Variants in RRAS2 observed in about 807,000 individuals in gnomAD.
RRAS2 encodes RAS related 2, also known as ras-related protein R-Ras2.
In RRAS2, 7 loss-of-function variants were observed where a neutral mutation model predicts 27.6. The ratio of observed to expected loss-of-function variants is 0.25; its 90% confidence interval spans 0.14 to 0.48. The LOEUF is 0.48. Ranked by LOEUF, RRAS2 falls within the 20% of genes least tolerant of loss-of-function variation. The pLI is 0.99. For missense variants in RRAS2, 178 were observed against 256.2 expected, an observed-to-expected ratio of 0.69 and a Z score of 2.08; for synonymous variants, 86 against 90.9, an observed-to-expected ratio of 0.95 and a Z score of 0.31.
chr11:14,305,836 G>A (rs1847816413), intron 1 of RRAS2, among the ~76,000 whole-genome samples: 1 of 152,054 alleles, frequency 6.6e-6, no homozygotes, highest in African/African-American at 2.4e-5. Context: ...CTTGAGCCCA[G>A]GAATTCGAGA....
intron 1 of RRAS2, among the ~76,000 whole-genome samples, chr11:14,326,425 C>G (rs1349405539): frequency 6.6e-6 from 1 of 152,164 alleles, no homozygotes; most frequent in Non-Finnish European, 1.5e-5. Flanking sequence ...ACATATCAAA[C>G]TCAACTACAC....
intron 1 of RRAS2, among the ~76,000 whole-genome samples, chr11:14,348,066 A>C (rs772042465): frequency 9.2e-5 from 14 of 152,210 alleles, no homozygotes; most frequent in Non-Finnish European, 1.9e-4. Context: ...CTACAAAATT[A>C]AGAAGATATA....
intron 1 of RRAS2, among the ~76,000 whole-genome samples, chr11:14,336,732 A>G (rs1219819808): frequency 1.3e-5 from 2 of 152,228 alleles, no homozygotes; most frequent in Admixed American, 1.3e-4. Flanking sequence ...CAGAGCCTCA[A>G]TAGCCTTTGG....
rs1391326999 is a variant in RRAS2 at position 14,302,064 on chromosome 11, C to CCACACACACACACA, written c.109-6210_109-6209insTGTGTGTGTGTGTG. On this transcript the variant is annotated intron_variant, in intron 1 of 5. Coordinates refer to ENST00000256196, the MANE Select transcript of RRAS2 (RefSeq NM_012250.6). ...GCCTATAAAACAAGGAGTAAATGTA[C>CCACACACACACACA]CACACACATACACACACACACACAC... is the stretch of plus-strand genomic sequence containing the variant. Among the ~76,000 whole-genome samples the CCACACACACACACA allele has an allele frequency of 5.8e-3, 302 of 51,682 alleles. 1 individual carries two copies. The highest frequency in any genetic ancestry group is 0.013 in the Admixed American group (54 of 4,188). The allele number at this position is 51,682 out of a possible 152,430, so 33.9% of individuals were successfully genotyped here. A position where few individuals can be genotyped will look rare whatever the true frequency, so the allele number is the denominator to read the frequency against.
intron 1 of RRAS2, among the ~76,000 whole-genome samples, chr11:14,312,295 G>A (rs1161111647): frequency 2.0e-5 from 3 of 152,330 alleles, no homozygotes; most frequent in East Asian, 3.9e-4. Flanking sequence ...ATGCCACATA[G>A]ATTTCAAGAG....
upstream of RRAS2, among the ~76,000 whole-genome samples, chr11:14,362,502 G>A (rs144909086): frequency 2.0e-3 from 305 of 152,234 alleles, no homozygotes; most frequent in African/African-American, 6.8e-3. Flanking sequence ...ACAAATCACT[G>A]AAGACACAGG....
In RRAS2 at chr11:14,294,598, AAAAC is replaced by A. The variant is rs782626977; in HGVS notation, c.300-23_300-20del. The stretch of plus-strand genomic sequence containing the variant: ...TTCAAAACTTAAAAAAAAAAAATCA[AAAAC>A]AAATTAATCAATTTGGTCAAGTATC... On this transcript the variant is annotated intron_variant, in intron 3 of 5. Transcript: ENST00000256196. 6.5e-7 allele frequency: 1 copy of A among 1,547,788 alleles called. No individual in the cohort carries two copies. Among genetic ancestry groups the A allele is most frequent in the South Asian group, 1.2e-5 (1 of 83,940 alleles).
At chr11:14,296,083 T>C (rs1359001543) in intron 1 of RRAS2, among the ~76,000 whole-genome samples, 1 of 151,898 alleles carries the variant, frequency 6.6e-6, no homozygotes, top group Non-Finnish European at 1.5e-5. Flanking sequence ...GGGAGGCTGA[T>C]GTGGGAGGAT....
At chr11:14,328,166 G>A (rs1367415486) in intron 1 of RRAS2, among the ~76,000 whole-genome samples, 6 of 151,978 alleles carry the variant, frequency 3.9e-5, no homozygotes, top group Admixed American at 1.3e-4. Flanking sequence ...TCAGGAGTTC[G>A]AGACCAGCCT....
intron 1 of RRAS2, among the ~76,000 whole-genome samples, chr11:14,317,783 G>T (rs1002332768): frequency 5.3e-5 from 8 of 152,112 alleles, no homozygotes; most frequent in Admixed American, 2.0e-4. Flanking sequence ...GTACAAAGGG[G>T]AGCTGAGCAC....
intron 1 of RRAS2, among the ~76,000 whole-genome samples, chr11:14,332,412 G>A (rs918522978): frequency 2.2e-4 from 33 of 152,136 alleles, no homozygotes; most frequent in Admixed American, 1.2e-3. Context: ...GAGGCAGGAG[G>A]CCCACTTGAG....
chr11:14,317,785 G>A (rs1204902938), intron 1 of RRAS2, among the ~76,000 whole-genome samples: 7 of 152,188 alleles, frequency 4.6e-5, no homozygotes, highest in African/African-American at 1.7e-4. Context: ...ACAAAGGGGA[G>A]CTGAGCACAG....
intron 1 of RRAS2, among the ~76,000 whole-genome samples, chr11:14,333,832 G>A (rs138814000): frequency 2.0e-5 from 3 of 152,086 alleles, no homozygotes; most frequent in African/African-American, 4.8e-5. Flanking sequence ...ACGGGTTTTC[G>A]CCATGTTGCC....
At chr11:14,284,442 T>C (rs563832645) in intron 4 of RRAS2, among the ~76,000 whole-genome samples, 1 of 152,338 alleles carries the variant, frequency 6.6e-6, no homozygotes, top group South Asian at 2.1e-4. Flanking sequence ...TATGATCCAT[T>C]CTTCTTTCAA....
At chr11:14,363,786 A>G (rs1428613565), upstream of RRAS2, among the ~76,000 whole-genome samples, 5 of 138,302 alleles carry the variant, frequency 3.6e-5, no homozygotes, top group Middle Eastern at 5.0e-3. Flanking sequence ...ATAAAATAAA[A>G]TAGGCCAGGC....
intron 1 of RRAS2, among the ~76,000 whole-genome samples, chr11:14,318,508 A>C (rs1848160485): frequency 6.6e-6 from 1 of 151,982 alleles, no homozygotes; most frequent in Non-Finnish European, 1.5e-5. Context: ...GTCTCAAAAC[A>C]AACAAACAAA....
At chr11:14,320,379 T>C (rs1304683562) in intron 1 of RRAS2, among the ~76,000 whole-genome samples, 1 of 152,230 alleles carries the variant, frequency 6.6e-6, no homozygotes, top group East Asian at 1.9e-4. Context: ...TCTAGAGTCA[T>C]GTGCTCAGTA....
chr11:14,307,692 C>A (rs782029440), intron 1 of RRAS2, among the ~76,000 whole-genome samples: 1 of 151,330 alleles, frequency 6.6e-6, no homozygotes, highest in African/African-American at 2.4e-5. Flanking sequence ...ACATAGCCTG[C>A]GACAGTTTAA....
rs575534612 is a variant in RRAS2 at position 14,335,766 on chromosome 11, T to C, written c.108+22997A>G. 1.2e-4 allele frequency among the ~76,000 whole-genome samples: 19 copies of C among 152,278 alleles called. No homozygotes were observed. In the South Asian group the frequency reaches 3.9e-3, roughly 32 times the overall value. On this transcript the variant is annotated intron_variant, in intron 1 of 5. Coordinates refer to ENST00000256196, the MANE Select transcript of RRAS2 (RefSeq NM_012250.6). Reference sequence around the variant, plus strand: ...AACACTGTGGTGAGTTTCCTGGGTTTTCTTTTTACAACATATATCCCAGAG... The same window carrying C: ...AACACTGTGGTGAGTTTCCTGGGTTCTCTTTTTACAACATATATCCCAGAG...
Sources: gnomAD v4.1 joint callset for allele counts (sites outside exome capture counted in the v4.1 genomes callset) on GRCh38, gnomAD v4.1.1 for gene constraint, MANE v1.5 for transcripts, NCBI Gene and HGNC (gene_info 2026-07-23, HGNC 2026-07-21) for gene names.